Variants in GTF2IRD1 observed in about 807,000 individuals in gnomAD.
The protein encoded by GTF2IRD1 is GTF2I repeat domain containing 1.
A neutral mutation model predicts 113.2 loss-of-function variants in GTF2IRD1; 26 were observed. The ratio of observed to expected loss-of-function variants is 0.23; its 90% confidence interval spans 0.17 to 0.32. The LOEUF (loss-of-function observed/expected upper bound fraction) is 0.32. Ranked by LOEUF, GTF2IRD1 falls within the 10% of genes least tolerant of loss-of-function variation. The probability of loss-of-function intolerance (pLI) is 1.00; values close to 1 mark genes in which losing one functional copy is unlikely to be tolerated. For synonymous variants in GTF2IRD1, 484 were observed against 529.1 expected (o/e 0.91, Z 1.17); for missense variants, 864 against 1,280.8 (o/e 0.67, Z 4.97).
chr7:74,558,342 C>T (rs1386416851), intron 20 of GTF2IRD1, among the ~76,000 whole-genome samples: 9 of 86,994 alleles, frequency 1.0e-4, no homozygotes, highest in African/African-American at 1.8e-4. Flanking sequence ...CTTTTTCTTT[C>T]GTTTCTTTTT....
At chr7:74,552,104 G>A (rs1295159886) in intron 17 of GTF2IRD1, among the ~76,000 whole-genome samples, 4 of 152,078 alleles carry the variant, frequency 2.6e-5, no homozygotes, top group Non-Finnish European at 5.9e-5. Flanking sequence ...GGTAGCAGGG[G>A]ACCAGGCGTG....
chr7:74,500,203 T>C (rs1795948484), intron 1 of GTF2IRD1, among the ~76,000 whole-genome samples: 1 of 152,154 alleles, frequency 6.6e-6, no homozygotes, highest in South Asian at 2.1e-4. Context: ...ACAAATGACC[T>C]TGAGCAGCAC....
At chr7:74,578,574 C>T (rs1801221166) in intron 22 of GTF2IRD1, among the ~76,000 whole-genome samples, 1 of 152,160 alleles carries the variant, frequency 6.6e-6, no homozygotes, top group Non-Finnish European at 1.5e-5. Context: ...AAGTGTGTAG[C>T]TGTAGCTTCT....
In GTF2IRD1 at chr7:74,519,667, G is replaced by T; in HGVS notation, c.864G>T (p.Arg288=). Residue 288 remains arginine, a synonymous_variant, in exon 6 of 27, where the codon CGG becomes CGT. Coordinates refer to ENST00000424337, the MANE Select transcript of GTF2IRD1 (RefSeq NM_005685.4). ...PLAPSDLGLS[R]PMPEPKATGA... Reference sequence around the variant, plus strand: ...CCCCCAGCGACCTGGGCCTGAGTCGGCCCATGCCAGAGCCCAAGGCCACCG... The same window carrying T: ...CCCCCAGCGACCTGGGCCTGAGTCGTCCCATGCCAGAGCCCAAGGCCACCG... 6.2e-7 allele frequency: 1 copy of T among 1,603,180 alleles called. No homozygotes were observed. The highest frequency in any genetic ancestry group is 8.5e-7 in the Non-Finnish European group (1 of 1,175,464).
intron 22 of GTF2IRD1, among the ~76,000 whole-genome samples, chr7:74,561,354 A>T (rs1166957899): frequency 6.7e-6 from 1 of 148,540 alleles, no homozygotes; most frequent in Non-Finnish European, 1.5e-5. Flanking sequence ...CTCAAAAAAA[A>T]AAAAAAAAAA....
intron 16 of GTF2IRD1, 28 bp downstream of exon 16, chr7:74,545,837 G>T (rs1554353131): frequency 6.4e-7 from 1 of 1,563,000 alleles, no homozygotes. Context: ...CAGGGTCTGG[G>T]GGCATCCCGG....
intron 22 of GTF2IRD1, among the ~76,000 whole-genome samples, chr7:74,562,291 GGGGTGGCAGATAGTTGCAGAGAGGC>G (rs1395904408): frequency 1.3e-5 from 2 of 152,216 alleles, no homozygotes; most frequent in African/African-American, 4.8e-5. Context: ...GGCAGGTGGA[GGGGTGGCAGATAGTTGCAGAGAGGC>G]GGGTGGCTGG....
intron 1 of GTF2IRD1, among the ~76,000 whole-genome samples, chr7:74,476,733 C>G (rs2117063925): frequency 6.6e-6 from 1 of 152,282 alleles, no homozygotes; most frequent in Admixed American, 6.5e-5. Flanking sequence ...GGGGCCAGTG[C>G]TCCTGGGCCG....
chr7:74,566,369 G>A (rs1388294396), intron 22 of GTF2IRD1, among the ~76,000 whole-genome samples: 1 of 144,248 alleles, frequency 6.9e-6, no homozygotes, highest in Non-Finnish European at 1.5e-5. Flanking sequence ...TTGAGACGGA[G>A]TCTCGCTCTG....
At chr7:74,471,698 AAAAC>A (rs1794112304) in intron 1 of GTF2IRD1, among the ~76,000 whole-genome samples, 1 of 98,404 alleles carries the variant, frequency 1.0e-5, no homozygotes, top group Non-Finnish European at 2.3e-5. Flanking sequence ...AACAAAAAAA[AAAAC>A]AAAAAAAACG....
chr7:74,574,324 T>C (rs374842518), intron 22 of GTF2IRD1, among the ~76,000 whole-genome samples: 1 of 151,462 alleles, frequency 6.6e-6, no homozygotes, highest in Non-Finnish European at 1.5e-5. Context: ...TTTAATATTT[T>C]TGTAGGACAG....
At chr7:74,563,123 T>G (rs782293013) in intron 22 of GTF2IRD1, among the ~76,000 whole-genome samples, 2 of 151,710 alleles carry the variant, frequency 1.3e-5, no homozygotes, top group African/African-American at 2.4e-5. Context: ...GCAGAGAGAC[T>G]GAGCATGAGA....
rs1183021090 is a variant in GTF2IRD1 at position 74,557,784 on chromosome 7, C to T, written c.2107+62C>T. The T allele has an allele frequency of 1.6e-4, 162 of 1,022,132 alleles. No individual in the cohort carries two copies. In the East Asian group the frequency reaches 3.2e-3, roughly 20 times the overall value. The allele number at this position is 1,022,132 out of a possible 1,614,324, so 63.3% of individuals were successfully genotyped here. The stretch of plus-strand genomic sequence containing the variant: ...CTGCTGTGCACAGAGAAGTGGGAGG[C>T]TTCCCAGTTCCAGCCGAGGGCATTT... On this transcript the variant is annotated intron_variant, in intron 20 of 26. Coordinates refer to ENST00000424337, the MANE Select transcript of GTF2IRD1 (RefSeq NM_005685.4).
chr7:74,505,577 G>A (rs1554340843), intron 1 of GTF2IRD1, among the ~76,000 whole-genome samples: 3 of 152,238 alleles, frequency 2.0e-5, no homozygotes, highest in Non-Finnish European at 4.4e-5. Flanking sequence ...GCCGGCCGCT[G>A]TCTGGGGCAG....
At chr7:74,540,040 A>T in intron 14 of GTF2IRD1, 72 bp downstream of exon 14, 2 of 1,075,894 alleles carry the variant, frequency 1.9e-6, no homozygotes, top group Non-Finnish European at 1.4e-6. Flanking sequence ...GGGGTGGGCC[A>T]GGCCGTCCCC....
intron 17 of GTF2IRD1, among the ~76,000 whole-genome samples, chr7:74,554,650 T>C (rs1403189102): frequency 1.3e-5 from 2 of 152,050 alleles, no homozygotes; most frequent in African/African-American, 4.8e-5. Context: ...GCCATTCCCC[T>C]CCCTCAGCCT....
intron 1 of GTF2IRD1, among the ~76,000 whole-genome samples, chr7:74,472,182 T>G (rs782061379): frequency 2.6e-5 from 4 of 152,156 alleles, no homozygotes; most frequent in Non-Finnish European, 5.9e-5. Context: ...CTTCTACCAA[T>G]GGTGAGTTTT....
At chr7:74,499,286 A>G (rs1795889979) in intron 1 of GTF2IRD1, among the ~76,000 whole-genome samples, 1 of 152,166 alleles carries the variant, frequency 6.6e-6, no homozygotes. Context: ...GTCCCAGCCA[A>G]TGGCCCGGCG....
At chr7:74,529,117 G>GT (rs1797809272) in intron 8 of GTF2IRD1, among the ~76,000 whole-genome samples, 2 of 152,086 alleles carry the variant, frequency 1.3e-5, no homozygotes, top group Non-Finnish European at 2.9e-5. Flanking sequence ...CTCCTGGCCT[G>GT]TAGGGGAAGC....
Sources: allele counts gnomAD v4.1 joint callset (sites outside exome capture counted in the v4.1 genomes callset), GRCh38; gene constraint gnomAD v4.1.1; transcripts MANE v1.5; gene names NCBI Gene and HGNC (gene_info 2026-07-23, HGNC 2026-07-21).